ULK4: variants seen among roughly 807,000 people sequenced by gnomAD.
ULK4 encodes inactive serine/threonine-protein kinase ULK4.
A neutral mutation model predicts 160.6 loss-of-function variants in ULK4; 133 were observed. That is an observed-to-expected ratio of 0.83 (90% CI 0.72 to 0.96). The LOEUF (loss-of-function observed/expected upper bound fraction) is 0.96, where lower values mean the gene tolerates loss of function less well. Among genes scored for constraint, ULK4 ranks in the 40% least tolerant of loss-of-function variants. The pLI is 0.00. For synonymous variants in ULK4, 534 were observed against 539.8 expected, an observed-to-expected ratio of 0.99 and a Z score of 0.15; for missense variants, 1,580 against 1,499.5, an observed-to-expected ratio of 1.05 and a Z score of -0.89.
At chr3:41,580,731 A>G (rs1183207445) in intron 31 of ULK4, among the ~76,000 whole-genome samples, 1 of 152,176 alleles carries the variant, frequency 6.6e-6, no homozygotes, top group African/African-American at 2.4e-5. Context: ...TGGGAGCCCG[A>G]CCCAGAAGCA....
intron 35 of ULK4, among the ~76,000 whole-genome samples, chr3:41,389,403 A>G (rs1485744975): frequency 1.3e-5 from 2 of 152,132 alleles, no homozygotes; most frequent in African/African-American, 4.8e-5. Context: ...AACTTCCAAC[A>G]CTATGTTGAA....
chr3:41,921,514 C>G (rs1197856032), intron 5 of ULK4, among the ~76,000 whole-genome samples: 1 of 152,128 alleles, frequency 6.6e-6, no homozygotes. Flanking sequence ...ACTCAGGAGG[C>G]TGAGGCAGGA....
intron 31 of ULK4, among the ~76,000 whole-genome samples, chr3:41,611,809 A>G (rs1174132849): frequency 6.6e-6 from 1 of 152,194 alleles, no homozygotes; most frequent in African/African-American, 2.4e-5. Flanking sequence ...AATTATTTGC[A>G]AAGCCAAACA....
At chr3:41,260,031 C>G (rs978267299) in intron 35 of ULK4, 3 of 152,180 alleles carry the variant, frequency 2.0e-5, no homozygotes, top group Non-Finnish European at 4.4e-5. Context: ...CAAGTAAAAA[C>G]AAGCAGGTAA....
chr3:41,943,494 C>G lies in ULK4; in HGVS notation c.139-5297G>C, dbSNP rs149972046. Among the ~76,000 whole-genome samples, 862 of 152,310 alleles carry G rather than the reference C, an allele frequency of 5.7e-3. 11 individuals are homozygous for G. Among genetic ancestry groups the G allele is most frequent in the Middle Eastern group, 0.02 (6 of 294 alleles). ...ACCCTCCACATACTCTGCAGCTACT[C>G]AAGCAGGTAAAGCAGAAACAAACCA... On this transcript the variant is annotated intron_variant, in intron 2 of 36. Coordinates refer to ENST00000301831, the MANE Select transcript of ULK4 (RefSeq NM_017886.4).
intron 5 of ULK4, among the ~76,000 whole-genome samples, chr3:41,931,470 T>TA (rs61500854): frequency 0.017 from 2,207 of 126,958 alleles, 61 homozygotes; most frequent in African/African-American, 0.057. Context: ...CCCTAGAACT[T>TA]AAAAAAAAAA....
intron 32 of ULK4, among the ~76,000 whole-genome samples, chr3:41,468,529 C>T (rs752788558): frequency 5.3e-5 from 8 of 152,064 alleles, no homozygotes; most frequent in South Asian, 2.1e-4. Context: ...CTTAGGTTTC[C>T]GCACGTTCCA....
At chr3:41,903,986 G>C (rs1698462996) in intron 12 of ULK4, among the ~76,000 whole-genome samples, 1 of 102,396 alleles carries the variant, frequency 9.8e-6, no homozygotes, top group Non-Finnish European at 2.1e-5. Context: ...TGGGCAAAAG[G>C]CTCTTAAAAA....
rs540949243 is a variant in ULK4 at position 41,872,787 on chromosome 3, T to C, written c.1656+11087A>G. Among the ~76,000 whole-genome samples the C allele has an allele frequency of 2.0e-5, 3 of 149,380 alleles. No individual in the cohort carries two copies. The East Asian group carries it at 5.8e-4, about 29-fold the overall frequency. Reference sequence around the variant, plus strand: ...TTCACACCCCGATACATGAATAAAATTGAAAAAAAAAACTGCAGTTGAAAA... The same window carrying C: ...TTCACACCCCGATACATGAATAAAACTGAAAAAAAAAACTGCAGTTGAAAA... On this transcript the variant is annotated intron_variant, in intron 17 of 36. Transcript: ENST00000301831.
intron 7 of ULK4, among the ~76,000 whole-genome samples, chr3:41,917,717 C>T (rs1699016374): frequency 6.6e-6 from 1 of 152,152 alleles, no homozygotes; most frequent in African/African-American, 2.4e-5. Flanking sequence ...CGCAGTGGCT[C>T]ACGCCTGTAA....
rs530040378 is a variant in ULK4 at position 41,742,311 on chromosome 3, G to C, written c.2321+12050C>G. On this transcript the variant is annotated intron_variant, in intron 22 of 36. Coordinates refer to ENST00000301831, the MANE Select transcript of ULK4 (RefSeq NM_017886.4). The stretch of plus-strand genomic sequence containing the variant: ...GGTAGTGTCTATAAGACCCAGCAGA[G>C]GGCTGATCCTCCATTCCCTGCCCAA... 3.3e-5 allele frequency among the ~76,000 whole-genome samples: 5 copies of C among 152,064 alleles called. No individual in the cohort carries two copies. In the East Asian group the frequency reaches 7.7e-4, roughly 23 times the overall value.
rs1212091881 is a variant in ULK4 at position 41,750,970 on chromosome 3, AAAAGAGAGAGAGAG to A, written c.2321+3377_2321+3390del. ...AAGTGAGACTCCACCTCAAAAAAAA[AAAAGAGAGAGAGAG>A]AAAGAGAGAGAGAGAGGAAGGGAGG... is the stretch of plus-strand genomic sequence containing the variant. On this transcript the variant is annotated intron_variant, in intron 22 of 36. Transcript: ENST00000301831. Among the ~76,000 whole-genome samples, 1,308 of 142,044 alleles carry A rather than the reference AAAAGAGAGAGAGAG, an allele frequency of 9.2e-3. 13 individuals are homozygous for A. Among genetic ancestry groups the A allele is most frequent in the Non-Finnish European group, 0.016 (1,071 of 65,926 alleles). 93.2% of individuals were successfully genotyped at this position (142,044 alleles called of 152,430 possible).
At chr3:41,913,524 G>A (rs779016970) in intron 8 of ULK4, among the ~76,000 whole-genome samples, 4 of 152,162 alleles carry the variant, frequency 2.6e-5, no homozygotes, top group East Asian at 1.9e-4. Context: ...CGTGCTCAGC[G>A]TAATTTGAAA....
At chr3:41,465,442 T>C (rs1368280227) in intron 32 of ULK4, among the ~76,000 whole-genome samples, 1 of 152,230 alleles carries the variant, frequency 6.6e-6, no homozygotes, top group Non-Finnish European at 1.5e-5. Context: ...AAAATCAATG[T>C]ATTTTTTATA....
intron 31 of ULK4, among the ~76,000 whole-genome samples, chr3:41,566,603 A>G (rs191321881): frequency 8.4e-4 from 128 of 152,330 alleles, no homozygotes; most frequent in African/African-American, 3.0e-3. Context: ...ATTTGGACCT[A>G]AAAGAGTGGA....
intron 35 of ULK4, among the ~76,000 whole-genome samples, chr3:41,252,209 A>T (rs1234304096): frequency 6.6e-6 from 1 of 152,208 alleles, no homozygotes. Context: ...TTATAATGTA[A>T]TATTTTTAAT....
At position 41,485,876 on chromosome 3, in the gene ULK4, T is replaced by C. The variant is rs974283684; in HGVS notation, c.3227-22623A>G. Among the ~76,000 whole-genome samples, 3 of 152,188 alleles carry C rather than the reference T, an allele frequency of 2.0e-5. No homozygotes were observed. The South Asian group carries it at 6.2e-4, about 31-fold the overall frequency. The stretch of plus-strand genomic sequence containing the variant: ...CTAAATGCTCACTTAAATATGAATG[T>C]AAAAAATGAAGCTGGCAGAAATAGC... On this transcript the variant is annotated intron_variant, in intron 32 of 36. Coordinates refer to ENST00000301831, the MANE Select transcript of ULK4 (RefSeq NM_017886.4).
At chr3:41,263,173 T>C (rs956175529) in intron 35 of ULK4, among the ~76,000 whole-genome samples, 6 of 152,134 alleles carry the variant, frequency 3.9e-5, no homozygotes, top group East Asian at 3.9e-4. Context: ...CAAAGTGGGA[T>C]AGCTTCGGTC....
intron 31 of ULK4, among the ~76,000 whole-genome samples, chr3:41,579,078 C>T (rs1477180530): frequency 1.3e-5 from 2 of 152,072 alleles, no homozygotes; most frequent in South Asian, 2.1e-4. Context: ...GTTTCTGCAT[C>T]GAAGCACCAG....
Sources: allele counts gnomAD v4.1 joint callset (sites outside exome capture counted in the v4.1 genomes callset), GRCh38; gene constraint gnomAD v4.1.1; transcripts MANE v1.5; gene names NCBI Gene and HGNC (gene_info 2026-07-23, HGNC 2026-07-21).